The following BICDL1 variants were observed in gnomAD, a reference collection of about 807,000 sequenced individuals.
BICDL1 encodes BICD family-like cargo adapter 1.
Under a neutral mutation model 76.8 loss-of-function variants are expected in BICDL1, and 20 were observed. The observed-to-expected ratio is 0.26, with a 90% CI of 0.18 to 0.38. BICDL1 has a LOEUF of 0.38. Among genes scored for constraint, BICDL1 ranks in the 10% least tolerant of loss-of-function variants. The pLI is 1.00. For missense variants in BICDL1, 700 were observed against 798.6 expected (o/e 0.88, Z 1.49); for synonymous variants, 383 against 337.1 (o/e 1.14, Z -1.49).
chr12:120,088,727 CGCGATCTGG>C (rs1365653924), intron 8 of BICDL1, among the ~76,000 whole-genome samples: 1 of 151,246 alleles, frequency 6.6e-6, no homozygotes, highest in East Asian at 1.9e-4. Flanking sequence ...AGTGCAGTGG[CGCGATCTGG>C]GCTTACTGCA....
At chr12:119,997,426 G>A (rs137871035) in intron 1 of BICDL1, among the ~76,000 whole-genome samples, 316 of 152,252 alleles carry the variant, frequency 2.1e-3, no homozygotes, top group South Asian at 3.7e-3. Flanking sequence ...TCATTAGAAC[G>A]TCCCTAGGAC....
At chr12:120,010,425 G>A (rs1951929952) in intron 2 of BICDL1, among the ~76,000 whole-genome samples, 1 of 152,116 alleles carries the variant, frequency 6.6e-6, no homozygotes, top group Non-Finnish European at 1.5e-5. Context: ...CTTAATAAAA[G>A]ATTACTTTGT....
chr12:120,026,389 C>T lies in BICDL1; in HGVS notation c.645+27653C>T, dbSNP rs528203486. Among the ~76,000 whole-genome samples, 10 of 152,142 alleles carry T rather than the reference C, an allele frequency of 6.6e-5. No homozygotes were observed. The East Asian group carries it at 1.5e-3, about 23-fold the overall frequency. ...ATTTGTATAGTATAATATTTACTTT[C>T]CTGTAGGCTTAAGTTTTCTTCCCAA... On this transcript the variant is annotated intron_variant, in intron 2 of 9. Transcript: ENST00000548673.
At chr12:120,001,526 A>G (rs1008415149) in intron 2 of BICDL1, among the ~76,000 whole-genome samples, 4 of 152,068 alleles carry the variant, frequency 2.6e-5, no homozygotes, top group East Asian at 1.9e-4. Context: ...GATTACAGGC[A>G]TGAGCCACCA....
intron 2 of BICDL1, among the ~76,000 whole-genome samples, chr12:120,057,818 C>CTTTTTTTT (rs143777152): frequency 1.3e-5 from 1 of 78,324 alleles, no homozygotes; most frequent in African/African-American, 6.4e-5. Context: ...GCGATTCCTG[C>CTTTTTTTT]TTTTTTTTTT....
intron 2 of BICDL1, among the ~76,000 whole-genome samples, chr12:120,052,319 C>T (rs200802980): frequency 2.2e-4 from 31 of 140,890 alleles, no homozygotes; most frequent in African/African-American, 7.8e-4. Flanking sequence ...TTCTCTCTCT[C>T]TCTCTCTCTT....
At chr12:120,018,467 C>T (rs545008501) in intron 2 of BICDL1, among the ~76,000 whole-genome samples, 4 of 152,250 alleles carry the variant, frequency 2.6e-5, no homozygotes, top group Admixed American at 1.3e-4. Context: ...CAGTCAGTGT[C>T]TGAGAAAGAT....
rs1875130200 is a variant in BICDL1 at position 120,093,114 on chromosome 12, A to G, written c.1819A>G (p.Ser607Gly). 5.0e-6 allele frequency: 8 copies of G among 1,613,524 alleles called. No individual in the cohort carries two copies. Among genetic ancestry groups the G allele is most frequent in the Non-Finnish European group, 5.9e-6 (7 of 1,179,648 alleles). ...CAGCGCTGGGCGGGGGGATGAGCCC[A>G]GCATCGCTGAAGGCAAACGACTCTT... is the stretch of plus-strand genomic sequence containing the variant. ...GHSAGRGDEP[S>G]IAEGKRLFSF... Residue 607 changes from serine to glycine, a missense_variant, in exon 10 of 10, where the codon AGC (serine) becomes GGC (glycine). By Grantham distance (56) the Ser-to-Gly change is moderately conservative. Transcript: ENST00000548673.
chr12:120,090,135 G>A, intron 9 of BICDL1, 64 bp downstream of exon 9: 1 of 1,581,368 alleles, frequency 6.3e-7, no homozygotes. Context: ...AACCCAGGCA[G>A]AGTGTAAGGA....
chr12:120,071,848 T>C lies in BICDL1; in HGVS notation c.1089+47T>C. On this transcript the variant is annotated intron_variant, in intron 5 of 9. Coordinates refer to ENST00000548673, the MANE Select transcript of BICDL1 (RefSeq NM_001367886.1). The surrounding 1 kb of genome is among the most constrained non-coding windows in gnomAD (Gnocchi z 4.8). Reference sequence around the variant, plus strand: ...CACAGGCGAGGCTACCTGGGGTTGCTTAGGTCTCATCCTCCTCCCTAGTGC... The same window carrying C: ...CACAGGCGAGGCTACCTGGGGTTGCCTAGGTCTCATCCTCCTCCCTAGTGC... 6.6e-7 allele frequency: 1 copy of C among 1,510,716 alleles called. No individual in the cohort carries two copies. Among genetic ancestry groups the C allele is most frequent in the Admixed American group, 2.2e-5 (1 of 45,900 alleles). The allele number at this position is 1,510,716 out of a possible 1,614,324, so 93.6% of individuals were successfully genotyped here. A position where few individuals can be genotyped will look rare whatever the true frequency, so the allele number is the denominator to read the frequency against.
intron 4 of BICDL1, among the ~76,000 whole-genome samples, chr12:120,068,265 CT>C (rs967346144): frequency 4.6e-5 from 7 of 152,182 alleles, no homozygotes; most frequent in Middle Eastern, 3.2e-3. Context: ...CCCAGAAATG[CT>C]GTTTTATAAA....
intron 2 of BICDL1, among the ~76,000 whole-genome samples, chr12:120,016,491 G>A (rs1053960383): frequency 5.0e-5 from 7 of 141,204 alleles, no homozygotes; most frequent in African/African-American, 1.6e-4. Flanking sequence ...CCATGCTGGA[G>A]TACAGTGGCG....
At chr12:120,038,210 A>G (rs999211421) in intron 2 of BICDL1, among the ~76,000 whole-genome samples, 5 of 152,212 alleles carry the variant, frequency 3.3e-5, no homozygotes, top group Non-Finnish European at 7.3e-5. Flanking sequence ...ATCAAGACAC[A>G]TGCTCAAATG....
intron 2 of BICDL1, among the ~76,000 whole-genome samples, chr12:120,037,889 G>A (rs1471186249): frequency 1.3e-5 from 2 of 152,144 alleles, no homozygotes; most frequent in African/African-American, 2.4e-5. Flanking sequence ...GAGTCTACTG[G>A]TTTCATTTCC....
At chr12:120,064,604 TG>T in intron 3 of BICDL1, 128 bp from the exon 4 acceptor site, 4 of 854,174 alleles carry the variant, frequency 4.7e-6, no homozygotes, top group Non-Finnish European at 7.0e-6. Flanking sequence ...CTCTCAGAGA[TG>T]GGGGTACCGT....
chr12:119,989,386 ACAG>A lies in BICDL1; in HGVS notation c.-470_-468del, dbSNP rs1254379113. ...CGGCTGCAGAGAGCGGCCGCCGGCA[ACAG>A]CAGCAGCAGCAGGAAGCGTCGCGGC... On this transcript the variant is annotated 5_prime_UTR_variant, in exon 1 of 10. Transcript: ENST00000548673. Among the ~76,000 whole-genome samples the A allele has an allele frequency of 6.7e-6, 1 of 150,346 alleles. No homozygotes were observed. Among genetic ancestry groups the A allele is most frequent in the East Asian group, 2.0e-4 (1 of 5,084 alleles).
At chr12:119,991,419 G>A (rs1220716951) in intron 1 of BICDL1, among the ~76,000 whole-genome samples, 4 of 152,062 alleles carry the variant, frequency 2.6e-5, no homozygotes, top group Admixed American at 1.3e-4. Flanking sequence ...AAGTAAATCC[G>A]GGAGAAAAAA....
intron 1 of BICDL1, 118 bp from the exon 2 acceptor site, chr12:119,998,403 T>C: frequency 2.7e-6 from 2 of 734,168 alleles, no homozygotes; most frequent in Admixed American, 6.4e-5. Flanking sequence ...TCCTATGTGG[T>C]AGGGTGTTTT....
At chr12:119,996,138 C>T (rs1474514196) in intron 1 of BICDL1, among the ~76,000 whole-genome samples, 1 of 152,112 alleles carries the variant, frequency 6.6e-6, no homozygotes, top group Non-Finnish European at 1.5e-5. Context: ...GTGTCTTTTT[C>T]AACAGATACA....
Sources: gnomAD v4.1 joint callset for allele counts (sites outside exome capture counted in the v4.1 genomes callset) on GRCh38, gnomAD v4.1.1 for gene constraint, Gnocchi (gnomAD v3.1) non-coding constraint, MANE v1.5 for transcripts, NCBI Gene and HGNC (gene_info 2026-07-23, HGNC 2026-07-21) for gene names.